ABCB5: variants seen among roughly 807,000 people sequenced by gnomAD.
ABCB5 encodes the protein ATP binding cassette subfamily B member 5.
Under a neutral mutation model 144.2 loss-of-function variants are expected in ABCB5, and 155 were observed. The ratio of observed to expected loss-of-function variants is 1.08; its 90% CI spans 0.94 to 1.23. ABCB5 has a LOEUF of 1.23. Among genes scored for constraint, ABCB5 ranks in the 50% most tolerant of loss-of-function variants. The pLI, the probability that ABCB5 is intolerant of heterozygous loss-of-function variation, is 0.00. For missense variants in ABCB5, 1,830 were observed against 1,520.8 expected (o/e 1.20, Z -3.38); for synonymous variants, 610 against 528.6 (o/e 1.15, Z -2.11).
Position 20,619,647 on chromosome 7 carries a change from A to AT in ABCB5, c.-21-3618_-21-3617insT, listed in dbSNP as rs564794598. On this transcript the variant is annotated intron_variant, in intron 1 of 27. Coordinates refer to ENST00000404938, the MANE Select transcript of ABCB5 (RefSeq NM_001163941.2). ...TGTAGGTTATGTGTTTACTTTGTTG[A>AT]AGTTTCTCTTGCTGTGCAGAAGCTC... Among the ~76,000 whole-genome samples, 461 of 152,110 alleles carry AT rather than the reference A, an allele frequency of 3.0e-3. 11 individuals carry two copies. Among genetic ancestry groups the AT allele is most frequent in the Admixed American group, 0.028 (424 of 15,264 alleles).
chr7:20,652,612 A>G (rs1583396477), intron 13 of ABCB5, among the ~76,000 whole-genome samples: 1 of 152,210 alleles, frequency 6.6e-6, no homozygotes, highest in Non-Finnish European at 1.5e-5. Context: ...ATAGTCCCCA[A>G]AAGAGTGAAA....
rs576888862 is a variant in ABCB5, at chr7:20,658,734, T to C, written c.1707+58T>C. 8.3e-6 allele frequency: 13 copies of C among 1,573,528 alleles called. No homozygotes were observed. The African/African-American group carries it at 1.8e-4, about 21-fold the overall frequency. On this transcript the variant is annotated intron_variant, in intron 14 of 27. Coordinates refer to ENST00000404938, the MANE Select transcript of ABCB5 (RefSeq NM_001163941.2). The stretch of plus-strand genomic sequence containing the variant: ...CTCCTGGTTCATTATTGTTTTGAAG[T>C]ACAAGAAAGTATAGATCTGTAATAG...
chr7:20,702,345 T>C (rs576352494), intron 19 of ABCB5, among the ~76,000 whole-genome samples: 17 of 152,178 alleles, frequency 1.1e-4, no homozygotes, highest in Non-Finnish European at 2.5e-4. Context: ...TAAATTATGA[T>C]AGCATTGATG....
intron 14 of ABCB5, among the ~76,000 whole-genome samples, chr7:20,663,196 C>T (rs1487500419): frequency 6.6e-6 from 1 of 152,196 alleles, no homozygotes; most frequent in Non-Finnish European, 1.5e-5. Context: ...CCAGATCAGG[C>T]TTCAAACCTC....
In ABCB5 at chr7:20,755,809, T is replaced by A. The variant is rs530367631; in HGVS notation, c.*185T>A. On this transcript the variant is annotated 3_prime_UTR_variant, in exon 28 of 28. Coordinates refer to ENST00000404938, the MANE Select transcript of ABCB5 (RefSeq NM_001163941.2). ...AGATTTTTAAAAGGAAGCAAAAATT[T>A]GCTTATTTCATGTAAGTGAAATAAT... The A allele has an allele frequency of 3.3e-6, 2 of 602,980 alleles. No individual in the cohort carries two copies. Among genetic ancestry groups the A allele is most frequent in the Non-Finnish European group, 5.6e-6 (2 of 354,728 alleles). The allele number at this position is 602,980 out of a possible 1,614,324, so 37.4% of individuals were successfully genotyped here.
chr7:20,688,028 C>T (rs1786059816), intron 16 of ABCB5, among the ~76,000 whole-genome samples: 2 of 152,000 alleles, frequency 1.3e-5, no homozygotes, highest in African/African-American at 4.8e-5. Context: ...CCTGCCTCTA[C>T]TAAAAATATA....
At chr7:20,647,251 C>A (rs1784432171) in intron 9 of ABCB5, 6 of 1,118,014 alleles carry the variant, frequency 5.4e-6, no homozygotes, top group Non-Finnish European at 6.5e-6. Context: ...GGTCACACAT[C>A]CCAGCATGTG....
At chr7:20,691,612 G>T (rs1282259486) in intron 16 of ABCB5, among the ~76,000 whole-genome samples, 4 of 26,008 alleles carry the variant, frequency 1.5e-4, no homozygotes, top group African/African-American at 1.1e-4. Context: ...ATTTATTTAT[G>T]ATTATTATAC....
At position 20,727,027 on chromosome 7, in the gene ABCB5, C is replaced by T. The variant is rs1782058369; in HGVS notation, c.2626-13C>T. The T allele has an allele frequency of 6.3e-7, 1 of 1,575,462 alleles. No homozygotes were observed. Among genetic ancestry groups the T allele is most frequent in the African/African-American group, 1.4e-5 (1 of 73,710 alleles). ...TAATTTTATTTCTATATTGTATTGT[C>T]CTGTTTTATAAGATAGCAACTGAAG... On this transcript the variant is annotated splice_polypyrimidine_tract_variant and intron_variant, in intron 21 of 27. Transcript: ENST00000404938.
At chr7:20,749,101 T>A (rs1439804211) in intron 26 of ABCB5, among the ~76,000 whole-genome samples, 2 of 151,874 alleles carry the variant, frequency 1.3e-5, no homozygotes, top group African/African-American at 2.4e-5. Context: ...TTGCTTTTCT[T>A]GTATTTTCTT....
At chr7:20,666,811 A>G (rs1785211796) in intron 14 of ABCB5, 6 of 1,579,302 alleles carry the variant, frequency 3.8e-6, no homozygotes, top group Non-Finnish European at 5.2e-6. Context: ...ATCTACGTTG[A>G]GGTATCTGGA....
intron 20 of ABCB5, among the ~76,000 whole-genome samples, chr7:20,708,350 G>C (rs1786892179): frequency 6.6e-6 from 1 of 152,108 alleles, no homozygotes; most frequent in Admixed American, 6.6e-5. Context: ...TTTAAAAAAA[G>C]TTTTCAAGCA....
chr7:20,728,456 G>C lies in ABCB5; in HGVS notation c.2867+1G>C. 1 of 1,613,878 alleles carries C rather than the reference G, an allele frequency of 6.2e-7. No individual in the cohort carries two copies. The highest frequency in any genetic ancestry group is 8.5e-7 in the Non-Finnish European group (1 of 1,179,872). Reference sequence around the variant, plus strand: ...GAATGACCCCAGAGGGCATGTTCATGTAAGTCGTGGAAATAGTCCGGACCT... The same window carrying C: ...GAATGACCCCAGAGGGCATGTTCATCTAAGTCGTGGAAATAGTCCGGACCT... On this transcript the variant is annotated splice_donor_variant, in intron 23 of 27. Coordinates refer to ENST00000404938, the MANE Select transcript of ABCB5 (RefSeq NM_001163941.2). LOFTEE classifies it high-confidence loss of function.
chr7:20,745,479 G>A (rs1782691247), intron 26 of ABCB5, 41 bp downstream of exon 26: 5 of 1,586,660 alleles, frequency 3.2e-6, no homozygotes, highest in Middle Eastern at 1.9e-4. Context: ...AAGCTGCCAA[G>A]TAAGGCTAAG....
intron 14 of ABCB5, among the ~76,000 whole-genome samples, chr7:20,680,360 C>T (rs1021350881): frequency 2.0e-5 from 3 of 151,986 alleles, no homozygotes; most frequent in Non-Finnish European, 2.9e-5. Flanking sequence ...AGATCGAGAC[C>T]ATCCTGGCTA....
At chr7:20,626,923 C>A (rs934465838) in intron 3 of ABCB5, among the ~76,000 whole-genome samples, 2 of 148,868 alleles carry the variant, frequency 1.3e-5, no homozygotes, top group African/African-American at 5.0e-5. Context: ...AAGGATATTT[C>A]TGAGTGGTGG....
intron 1 of ABCB5, among the ~76,000 whole-genome samples, chr7:20,618,764 CTTTT>C (rs59970398): frequency 3.9e-5 from 2 of 51,544 alleles, no homozygotes; most frequent in East Asian, 1.4e-3. Flanking sequence ...GCTGCATTTT[CTTTT>C]TTTTTTTTTT....
At chr7:20,682,940 G>T (rs960745060) in intron 15 of ABCB5, among the ~76,000 whole-genome samples, 2 of 152,150 alleles carry the variant, frequency 1.3e-5, no homozygotes, top group African/African-American at 4.8e-5. Flanking sequence ...TGAGTCATGG[G>T]AATTAGGCTC....
chr7:20,638,385 A>G (rs956007837), intron 5 of ABCB5, among the ~76,000 whole-genome samples: 1 of 152,158 alleles, frequency 6.6e-6, no homozygotes, highest in African/African-American at 2.4e-5. Context: ...TTTATTTAGC[A>G]TATAATTTAC....
Sources: gnomAD v4.1 joint callset for allele counts (sites outside exome capture counted in the v4.1 genomes callset) on GRCh38, gnomAD v4.1.1 for gene constraint, MANE v1.5 for transcripts, NCBI Gene and HGNC (gene_info 2026-07-23, HGNC 2026-07-21) for gene names.